Variants in EBF2 observed in about 807,000 individuals in gnomAD.
The protein encoded by EBF2 is EBF transcription factor 2.
Under a neutral mutation model 72.8 loss-of-function variants are expected in EBF2, and 21 were observed. The observed-to-expected ratio is 0.29, with a 90% CI of 0.20 to 0.42. The LOEUF (loss-of-function observed/expected upper bound fraction) is 0.42, where lower values mean the gene tolerates loss of function less well. Among genes scored for constraint, EBF2 ranks in the 10% least tolerant of loss-of-function variants. The pLI is 1.00. For missense variants in EBF2, 637 were observed against 731.2 expected, an observed-to-expected ratio of 0.87 and a Z score of 1.49; for synonymous variants, 299 against 274.2, an observed-to-expected ratio of 1.09 and a Z score of -0.89.
Position 25,982,656 on chromosome 8 carries a change from C to T in EBF2, c.551+50429G>A, listed in dbSNP as rs528570895. Among the ~76,000 whole-genome samples, 3 of 152,278 alleles carry T rather than the reference C, an allele frequency of 2.0e-5. No individual in the cohort carries two copies. The South Asian group carries it at 6.2e-4, about 32-fold the overall frequency. On this transcript the variant is annotated intron_variant, in intron 6 of 15. Coordinates refer to ENST00000520164, the MANE Select transcript of EBF2 (RefSeq NM_022659.4). ...CAAGGCCATTGAAGCTACTCTGTGGCCCCTAACCTTTTAAGAATAGTAACA... is the reference window on the plus strand; with the variant it reads ...CAAGGCCATTGAAGCTACTCTGTGGTCCCTAACCTTTTAAGAATAGTAACA...
chr8:25,907,452 A>AAAATT (rs1803055480), intron 7 of EBF2, among the ~76,000 whole-genome samples: 4 of 132,030 alleles, frequency 3.0e-5, no homozygotes, highest in Non-Finnish European at 6.4e-5. Context: ...AAAAAAAAAA[A>AAAATT]ATTATTCAGA....
intron 2 of EBF2, among the ~76,000 whole-genome samples, chr8:26,041,653 A>G (rs1805602654): frequency 6.6e-6 from 1 of 152,230 alleles, no homozygotes; most frequent in Non-Finnish European, 1.5e-5. Context: ...CTTGGAGAAC[A>G]GAACAGGAGA....
chr8:26,040,686 G>A lies in EBF2; in HGVS notation c.353-15C>T, dbSNP rs1362784749. Reference sequence around the variant, plus strand: ...CGTGCGGACACCTGCGGGGACCGGAGGGGCACGAGTCAAGGGCCGTAGAGC... The same window carrying A: ...CGTGCGGACACCTGCGGGGACCGGAAGGGCACGAGTCAAGGGCCGTAGAGC... On this transcript the variant is annotated splice_polypyrimidine_tract_variant and intron_variant, in intron 3 of 15. Transcript: ENST00000520164. 6.4e-7 allele frequency: 1 copy of A among 1,554,066 alleles called. No individual in the cohort carries two copies. Among genetic ancestry groups the A allele is most frequent in the African/African-American group, 1.4e-5 (1 of 73,360 alleles).
chr8:25,979,641 T>C (rs897080044), intron 6 of EBF2, among the ~76,000 whole-genome samples: 4 of 152,256 alleles, frequency 2.6e-5, no homozygotes, highest in Middle Eastern at 3.4e-3. Flanking sequence ...AAAGTCACCT[T>C]CTCAACTTCT....
At chr8:25,978,893 G>T (rs1007842874) in intron 6 of EBF2, among the ~76,000 whole-genome samples, 4 of 152,150 alleles carry the variant, frequency 2.6e-5, no homozygotes, top group Admixed American at 6.5e-5. Context: ...GTAAATAAAG[G>T]GTCTGACGCT....
intron 6 of EBF2, among the ~76,000 whole-genome samples, chr8:26,023,519 C>A (rs1353902952): frequency 2.0e-5 from 3 of 152,194 alleles, no homozygotes; most frequent in African/African-American, 7.2e-5. Flanking sequence ...CTTGGGCAAG[C>A]ACTTTGAATG....
chr8:25,958,153 C>T (rs1008660291), intron 6 of EBF2, among the ~76,000 whole-genome samples: 3 of 152,200 alleles, frequency 2.0e-5, no homozygotes, highest in Non-Finnish European at 4.4e-5. Context: ...GAACTGATGG[C>T]TGCAGTTCCT....
At chr8:25,902,844 G>T (rs11994243) in intron 7 of EBF2, among the ~76,000 whole-genome samples, 14,445 of 152,162 alleles carry the variant, frequency 0.095, 2,315 homozygotes, top group African/African-American at 0.33. Context: ...AGGGGTGAAG[G>T]GTTCCCAGGC....
chr8:25,990,570 T>C (rs1804527577), intron 6 of EBF2, among the ~76,000 whole-genome samples: 1 of 152,164 alleles, frequency 6.6e-6, no homozygotes, highest in Non-Finnish European at 1.5e-5. Flanking sequence ...CCAAGTCCTC[T>C]GTCCTTTCAA....
At chr8:25,949,174 T>C (rs555887176) in intron 6 of EBF2, among the ~76,000 whole-genome samples, 1 of 152,272 alleles carries the variant, frequency 6.6e-6, no homozygotes, top group East Asian at 1.9e-4. Context: ...TTCTATTTTA[T>C]GGATGAGAAA....
chr8:25,844,293 T>G lies in EBF2; in HGVS notation c.*316A>C, dbSNP rs1240454915. On this transcript the variant is annotated 3_prime_UTR_variant, in exon 16 of 16. Coordinates refer to ENST00000520164, the MANE Select transcript of EBF2 (RefSeq NM_022659.4). ...ATATTAAGCATTAATTGTTTGCCAATTTTTTCTTAAATATTTTACAAACAT... is the reference window on the plus strand; with the variant it reads ...ATATTAAGCATTAATTGTTTGCCAAGTTTTTCTTAAATATTTTACAAACAT... 4.5e-6 allele frequency: 1 copy of G among 221,118 alleles called. No homozygotes were observed. Among genetic ancestry groups the G allele is most frequent in the Non-Finnish European group, 8.9e-6 (1 of 112,282 alleles). 13.7% of individuals were successfully genotyped at this position (221,118 alleles called of 1,614,324 possible). A position where few individuals can be genotyped will look rare whatever the true frequency, so the allele number is the denominator to read the frequency against.
chr8:25,907,557 C>T (rs564857205), intron 7 of EBF2, among the ~76,000 whole-genome samples: 1 of 152,012 alleles, frequency 6.6e-6, no homozygotes, highest in East Asian at 1.9e-4. Context: ...ACAACTCCTC[C>T]CGGCTCCTGG....
At chr8:25,962,905 G>C (rs1804057650) in intron 6 of EBF2, among the ~76,000 whole-genome samples, 1 of 152,196 alleles carries the variant, frequency 6.6e-6, no homozygotes, top group African/African-American at 2.4e-5. Context: ...TTTCCAAGTT[G>C]AGTTTCATCA....
rs778266031 is a variant in EBF2 at position 25,887,863 on chromosome 8, C to A, written c.861G>T (p.Gly287=). The change falls in exon 9 of 16, where the codon GGG becomes GGT. Residue 287 remains glycine (G), a synonymous_variant. Transcript: ENST00000520164. ...NFFDGLQVVF[G]TMLVWSELIT... The stretch of plus-strand genomic sequence containing the variant: ...TTACCTCGCTCCATACAAGCATAGT[C>A]CCAAACACCACTTGGAGACCATCAA... 5.0e-6 allele frequency: 8 copies of A among 1,612,786 alleles called. No individual in the cohort carries two copies. The highest frequency in any genetic ancestry group is 6.8e-6 in the Non-Finnish European group (8 of 1,179,452).
intron 6 of EBF2, among the ~76,000 whole-genome samples, chr8:25,949,236 A>G (rs1208831270): frequency 2.1e-4 from 32 of 152,242 alleles, no homozygotes; most frequent in Non-Finnish European, 1.5e-5. Context: ...ACAGCTAGAA[A>G]GAAGTGGAGC....
intron 6 of EBF2, among the ~76,000 whole-genome samples, chr8:25,962,074 G>C (rs184351615): frequency 6.6e-6 from 1 of 152,136 alleles, no homozygotes; most frequent in Admixed American, 6.5e-5. Context: ...CAAGGAGGGG[G>C]CCAGGGAGGA....
intron 6 of EBF2, among the ~76,000 whole-genome samples, chr8:25,934,335 T>C (rs1803539036): frequency 6.6e-6 from 1 of 152,140 alleles, no homozygotes; most frequent in African/African-American, 2.4e-5. Flanking sequence ...TTCAGGCCTT[T>C]AGAAAGACGG....
chr8:25,861,002 T>C, intron 13 of EBF2, 47 bp downstream of exon 13: 1 of 1,612,258 alleles, frequency 6.2e-7, no homozygotes, highest in Non-Finnish European at 8.5e-7. Context: ...CCAGCAGAAC[T>C]TTTTAAATTA....
intron 10 of EBF2, among the ~76,000 whole-genome samples, chr8:25,863,232 T>C (rs550973547): frequency 1.3e-3 from 196 of 152,254 alleles, no homozygotes; most frequent in Non-Finnish European, 2.5e-3. Flanking sequence ...TGTATATTTA[T>C]ACATATATAA....
Sources: gnomAD v4.1 joint callset for allele counts (sites outside exome capture counted in the v4.1 genomes callset) on GRCh38, gnomAD v4.1.1 for gene constraint, MANE v1.5 for transcripts, NCBI Gene and HGNC (gene_info 2026-07-23, HGNC 2026-07-21) for gene names.